Variants in VSTM2B observed in about 807,000 individuals in gnomAD.
VSTM2B encodes V-set and transmembrane domain-containing protein 2B.
In VSTM2B, 24 loss-of-function variants were observed where a neutral mutation model predicts 24.0. That is an observed-to-expected ratio of 1.00 (90% CI 0.72 to 1.40). The LOEUF (loss-of-function observed/expected upper bound fraction) is 1.40, where lower values mean the gene tolerates loss of function less well. Among genes scored for constraint, VSTM2B ranks in the 40% most tolerant of loss-of-function variants. VSTM2B has a pLI of 0.00. For synonymous variants in VSTM2B, 226 were observed against 194.4 expected, an observed-to-expected ratio of 1.16 and a Z score of -1.35; for missense variants, 399 against 416.4, an observed-to-expected ratio of 0.96 and a Z score of 0.36.
At chr19:29,538,169 AC>A (rs1234762040) in intron 4 of VSTM2B, among the ~76,000 whole-genome samples, 1 of 151,820 alleles carries the variant, frequency 6.6e-6, no homozygotes, top group African/African-American at 2.4e-5. Flanking sequence ...TGCCCTTCAT[AC>A]CCTAAGTATT....
intron 2 of VSTM2B, 127 bp downstream of exon 2, chr19:29,527,522 C>G: frequency 1.2e-6 from 1 of 809,522 alleles, no homozygotes; most frequent in Non-Finnish European, 1.8e-6. Context: ...AGCCCATCTT[C>G]CACCTTCGCA....
chr19:29,555,772 A>G (rs1970391496), intron 4 of VSTM2B, among the ~76,000 whole-genome samples: 2 of 152,214 alleles, frequency 1.3e-5, no homozygotes, highest in South Asian at 4.1e-4. Flanking sequence ...AGAGAATACT[A>G]TAAACTCCTC....
chr19:29,533,454 C>T (rs540601718), intron 4 of VSTM2B, among the ~76,000 whole-genome samples: 5 of 152,210 alleles, frequency 3.3e-5, no homozygotes, highest in Non-Finnish European at 7.3e-5. Flanking sequence ...CCTCCAGTCT[C>T]TCTCCAAGTC....
At chr19:29,556,926 A>G (rs2145512071) in intron 4 of VSTM2B, among the ~76,000 whole-genome samples, 1 of 152,392 alleles carries the variant, frequency 6.6e-6, no homozygotes, top group East Asian at 1.9e-4. Context: ...ATGGATAGGA[A>G]GAATCAATGT....
At chr19:29,531,786 C>A (rs1969765535) in intron 4 of VSTM2B, among the ~76,000 whole-genome samples, 1 of 152,234 alleles carries the variant, frequency 6.6e-6, no homozygotes, top group South Asian at 2.1e-4. Context: ...CAAATAAACC[C>A]CAAAAGGCCA....
rs1053138462 is a variant in VSTM2B at position 29,526,551 on chromosome 19, G to C, written c.-33G>C. Reference sequence around the variant, plus strand: ...ACGCGGCCGCCGCCTCTCCGCTCCCGGGCCCCCGCCGCCACCGCGCCCCCC... The same window carrying C: ...ACGCGGCCGCCGCCTCTCCGCTCCCCGGCCCCCGCCGCCACCGCGCCCCCC... On this transcript the variant is annotated 5_prime_UTR_variant, in exon 1 of 5. Transcript: ENST00000335523. The surrounding 1 kb of genome is among the most constrained non-coding windows in gnomAD (Gnocchi z 4.1). 13 of 1,484,974 alleles carry C rather than the reference G, an allele frequency of 8.8e-6. No individual in the cohort carries two copies. Among genetic ancestry groups the C allele is most frequent in the East Asian group, 8.3e-5 (3 of 36,082 alleles). The allele number at this position is 1,484,974 out of a possible 1,614,324, so 92.0% of individuals were successfully genotyped here. A position where few individuals can be genotyped will look rare whatever the true frequency, so the allele number is the denominator to read the frequency against.
At chr19:29,531,812 TCA>T (rs1969765801) in intron 4 of VSTM2B, among the ~76,000 whole-genome samples, 1 of 152,232 alleles carries the variant, frequency 6.6e-6, no homozygotes, top group Non-Finnish European at 1.5e-5. Flanking sequence ...TTGACACAAT[TCA>T]AATTTAATAT....
intron 4 of VSTM2B, among the ~76,000 whole-genome samples, chr19:29,554,778 A>T (rs1205048767): frequency 6.6e-6 from 1 of 152,222 alleles, no homozygotes; most frequent in Admixed American, 6.5e-5. Flanking sequence ...CTAGTTTCTG[A>T]CAAAACAGAC....
intron 4 of VSTM2B, among the ~76,000 whole-genome samples, chr19:29,546,677 C>CG (rs1189401197): frequency 2.0e-5 from 3 of 150,098 alleles, no homozygotes; most frequent in Admixed American, 6.6e-5. Context: ...GGAGCCCCCA[C>CG]CCCCACCCCG....
chr19:29,559,272 C>T lies in VSTM2B; in HGVS notation c.770-4574C>T, dbSNP rs550997442. 3.9e-5 allele frequency among the ~76,000 whole-genome samples: 6 copies of T among 152,316 alleles called. No homozygotes were observed. In the East Asian group the frequency reaches 1.2e-3, roughly 29 times the overall value. On this transcript the variant is annotated intron_variant, in intron 4 of 4. Transcript: ENST00000335523. ...TGTGGCACATATACACCATGGAATA[C>T]TATGCAGGCATAAAAAAGATGAGTT...
intron 4 of VSTM2B, among the ~76,000 whole-genome samples, chr19:29,562,635 C>T (rs1324408398): frequency 6.6e-6 from 1 of 152,154 alleles, no homozygotes. Flanking sequence ...AGTGACGTCC[C>T]CCGGGGGTTT....
At chr19:29,551,156 T>C (rs1378923189) in intron 4 of VSTM2B, among the ~76,000 whole-genome samples, 1 of 152,208 alleles carries the variant, frequency 6.6e-6, no homozygotes, top group Non-Finnish European at 1.5e-5. Context: ...GTGGCCCCTC[T>C]GCACTCCGTT....
intron 4 of VSTM2B, among the ~76,000 whole-genome samples, chr19:29,545,605 C>T (rs1334259412): frequency 6.6e-6 from 1 of 152,146 alleles, no homozygotes; most frequent in Non-Finnish European, 1.5e-5. Context: ...AAGAGTGAAA[C>T]TCCATCTCAA....
At position 29,530,255 on chromosome 19, in the gene VSTM2B, G is replaced by T; in HGVS notation, c.734G>T (p.Gly245Val). 6.7e-7 allele frequency: 1 copy of T among 1,503,598 alleles called. No homozygotes were observed. The highest frequency in any genetic ancestry group is 1.4e-5 in the African/African-American group (1 of 69,126). 93.1% of individuals were successfully genotyped at this position (1,503,598 alleles called of 1,614,324 possible). ...GCCTCGTCAGCGTCGCCGCCATCGG[G>T]ACAGGCGGTCCTGCTGCGCCAGAGG... ...AAASSASPPS[G>V]QAVLLRQRHG... Residue 245 changes from glycine (G) to valine (V), a missense_variant, in exon 4 of 5, where the codon GGA becomes GTA. Physicochemically the swap from Gly to Val is moderately radical, Grantham distance 109 (BLOSUM62 -3). Coordinates refer to ENST00000335523, the MANE Select transcript of VSTM2B (RefSeq NM_001146339.2).
At chr19:29,534,451 A>C (rs1032820465) in intron 4 of VSTM2B, among the ~76,000 whole-genome samples, 2 of 152,320 alleles carry the variant, frequency 1.3e-5, no homozygotes, top group East Asian at 3.9e-4. Flanking sequence ...ACAGTGGCTC[A>C]CGCCTGTAAT....
chr19:29,555,803 T>C (rs954693237), intron 4 of VSTM2B, among the ~76,000 whole-genome samples: 9 of 151,912 alleles, frequency 5.9e-5, no homozygotes, highest in Middle Eastern at 6.3e-3. Flanking sequence ...AACTAAAAAC[T>C]CTATAAGAAA....
In VSTM2B at chr19:29,526,611, C is replaced by A. The variant is rs1326781162; in HGVS notation, c.28C>A (p.Leu10Ile). The change falls in exon 1 of 5, where the codon CTC becomes ATC. Residue 10 changes from leucine (L) to isoleucine (I), a missense_variant. Transcript: ENST00000335523. The surrounding 1 kb of genome is among the most constrained non-coding windows in gnomAD (Gnocchi z 4.1). The stretch of plus-strand genomic sequence containing the variant: ...GGAACAGCGGAACCGGCTCGGTGCC[C>A]TCGGATACCTGCCGCCTCTGCTGCT... MEQRNRLGA[L>I]GYLPPLLLHA... 3 of 1,529,864 alleles carry A rather than the reference C, an allele frequency of 2.0e-6. No homozygotes were observed. Among genetic ancestry groups the A allele is most frequent in the South Asian group, 2.4e-5 (2 of 82,944 alleles). The allele number at this position is 1,529,864 out of a possible 1,614,324, so 94.8% of individuals were successfully genotyped here.
At chr19:29,563,779 T>G in intron 4 of VSTM2B, 67 bp from the exon 5 acceptor site, 2 of 1,420,030 alleles carry the variant, frequency 1.4e-6, no homozygotes, top group Non-Finnish European at 9.7e-7. Context: ...CTGTTCCTGG[T>G]CTGCTGTGAG....
chr19:29,563,242 C>T (rs566095578), intron 4 of VSTM2B, among the ~76,000 whole-genome samples: 1 of 136,996 alleles, frequency 7.3e-6, no homozygotes, highest in African/African-American at 2.7e-5. Flanking sequence ...GAGAAGGAAG[C>T]ATATTGTCTT....
Sources: gnomAD v4.1 joint callset for allele counts (sites outside exome capture counted in the v4.1 genomes callset) on GRCh38, gnomAD v4.1.1 for gene constraint, Gnocchi (gnomAD v3.1) non-coding constraint, MANE v1.5 for transcripts, NCBI Gene and HGNC (gene_info 2026-07-23, HGNC 2026-07-21) for gene names.